MYO5B: variants seen among roughly 807,000 people sequenced by gnomAD.
The protein encoded by MYO5B is myosin VB.
MYO5B carries 143 observed loss-of-function variants against 229.3 expected under a neutral mutation model. That is an observed-to-expected ratio of 0.62 (90% CI 0.54 to 0.72). MYO5B has a LOEUF of 0.72. Among genes scored for constraint, MYO5B ranks in the 30% least tolerant of loss-of-function variants. The pLI, the probability that MYO5B is intolerant of heterozygous loss-of-function variation, is 0.00. For synonymous variants in MYO5B, 918 were observed against 885.2 expected (o/e 1.04, Z -0.66); for missense variants, 2,321 against 2,331.0 (o/e 1.00, Z 0.09).
At chr18:49,834,513 T>C (rs2023962258) in intron 39 of MYO5B, among the ~76,000 whole-genome samples, 1 of 152,246 alleles carries the variant, frequency 6.6e-6, no homozygotes, top group Non-Finnish European at 1.5e-5. Context: ...CGCTCAGCCA[T>C]CACCTTGGGC....
At chr18:50,017,560 G>A (rs1480004008) in intron 4 of MYO5B, among the ~76,000 whole-genome samples, 1 of 152,176 alleles carries the variant, frequency 6.6e-6, no homozygotes, top group Non-Finnish European at 1.5e-5. Flanking sequence ...AGACATTTGG[G>A]TTGTTTTCAC....
chr18:50,121,206 G>GCC (rs2032053460), intron 1 of MYO5B, among the ~76,000 whole-genome samples: 1 of 152,126 alleles, frequency 6.6e-6, no homozygotes, highest in Non-Finnish European at 1.5e-5. Flanking sequence ...AGCACCATCA[G>GCC]CCCCCAGCGT....
intron 6 of MYO5B, among the ~76,000 whole-genome samples, chr18:49,990,931 T>G (rs2025924971): frequency 6.6e-6 from 1 of 151,798 alleles, no homozygotes; most frequent in South Asian, 2.1e-4. Flanking sequence ...GTGGAAGCTG[T>G]GCTTGCCCAT....
At chr18:49,984,611 A>G in intron 8 of MYO5B, 107 bp downstream of exon 8, 1 of 856,604 alleles carries the variant, frequency 1.2e-6, no homozygotes, top group Non-Finnish European at 2.0e-6. Context: ...GGCATCTCCC[A>G]TTAGCTCCTG....
At chr18:50,031,055 T>C (rs1337377207) in intron 4 of MYO5B, among the ~76,000 whole-genome samples, 4 of 152,152 alleles carry the variant, frequency 2.6e-5, no homozygotes, top group Admixed American at 2.6e-4. Context: ...TTAGTGCTAC[T>C]TGGGGGACCA....
intron 1 of MYO5B, among the ~76,000 whole-genome samples, chr18:50,096,600 C>T (rs898788572): frequency 6.6e-6 from 1 of 152,210 alleles, no homozygotes; most frequent in Non-Finnish European, 1.5e-5. Context: ...GGCTGATCTC[C>T]ACTGGTCACC....
chr18:49,973,257 TA>T (rs1235280031), intron 10 of MYO5B, among the ~76,000 whole-genome samples: 8 of 152,286 alleles, frequency 5.3e-5, no homozygotes, highest in African/African-American at 1.9e-4. Context: ...GCATGCAACA[TA>T]GTTCAATTTG....
intron 1 of MYO5B, among the ~76,000 whole-genome samples, chr18:50,079,483 G>C (rs2031163335): frequency 1.3e-5 from 2 of 152,216 alleles, no homozygotes; most frequent in Non-Finnish European, 2.9e-5. Context: ...TTAAAAGACA[G>C]AGTGCTCCAA....
chr18:49,974,331 A>C lies in MYO5B; in HGVS notation c.1322+19T>G, dbSNP rs772459661. On this transcript the variant is annotated intron_variant, in intron 10 of 39. Transcript: ENST00000285039. ...CCACTCCCAGGTAGCAGATAGAGCG[A>C]GACAGGCGGCAGGCCTACCCATAGA... 101 of 1,614,080 alleles carry C rather than the reference A, an allele frequency of 6.3e-5. No homozygotes were observed. The highest frequency in any genetic ancestry group is 8.1e-5 in the Non-Finnish European group (95 of 1,180,024).
chr18:49,963,126 G>T, intron 10 of MYO5B, 96 bp from the exon 11 acceptor site: 2 of 925,008 alleles, frequency 2.2e-6, no homozygotes, highest in Non-Finnish European at 3.6e-6. Flanking sequence ...CTCCCCCGAT[G>T]CCACTACAGA....
At chr18:50,171,389 T>A (rs2032917996) in intron 1 of MYO5B, among the ~76,000 whole-genome samples, 1 of 127,082 alleles carries the variant, frequency 7.9e-6, no homozygotes, top group Non-Finnish European at 1.7e-5. Context: ...CAGGAAGGGC[T>A]TATAGAGAAG....
intron 14 of MYO5B, among the ~76,000 whole-genome samples, chr18:49,938,108 G>C (rs1429831946): frequency 2.0e-5 from 3 of 152,186 alleles, no homozygotes; most frequent in Non-Finnish European, 4.4e-5. Flanking sequence ...TGGTGTGGTA[G>C]GAGGTGGCTA....
intron 2 of MYO5B, among the ~76,000 whole-genome samples, chr18:50,049,828 G>A (rs974672962): frequency 4.6e-5 from 7 of 150,758 alleles, no homozygotes; most frequent in African/African-American, 1.7e-4. Context: ...AAATTAGCAG[G>A]AAAAATAGGT....
At chr18:50,015,528 A>C (rs1429319229) in intron 4 of MYO5B, among the ~76,000 whole-genome samples, 6 of 152,200 alleles carry the variant, frequency 3.9e-5, no homozygotes, top group Non-Finnish European at 4.4e-5. Flanking sequence ...GAAATTTTTT[A>C]AGTGTTCTTT....
intron 1 of MYO5B, among the ~76,000 whole-genome samples, chr18:50,160,493 T>G (rs2032749093): frequency 6.6e-6 from 1 of 152,216 alleles, no homozygotes; most frequent in African/African-American, 2.4e-5. Flanking sequence ...AACAGACATT[T>G]TAACTGCCCC....
At chr18:50,008,932 G>A (rs1055899359) in intron 4 of MYO5B, among the ~76,000 whole-genome samples, 2 of 152,034 alleles carry the variant, frequency 1.3e-5, no homozygotes, top group Non-Finnish European at 2.9e-5. Context: ...TTAAAAAGAA[G>A]GACTATGCTA....
intron 5 of MYO5B, among the ~76,000 whole-genome samples, chr18:49,995,688 G>C (rs531482167): frequency 6.4e-4 from 97 of 152,238 alleles, no homozygotes; most frequent in African/African-American, 2.2e-3. Flanking sequence ...AGTTGGTAAG[G>C]GGACGTTTCT....
intron 12 of MYO5B, among the ~76,000 whole-genome samples, chr18:49,958,531 A>AC (rs2025521561): frequency 6.6e-6 from 1 of 151,870 alleles, no homozygotes; most frequent in Non-Finnish European, 1.5e-5. Context: ...CAGCCATCCC[A>AC]CCTTTCTGTC....
chr18:49,925,214 G>T (rs2025115848), intron 17 of MYO5B, among the ~76,000 whole-genome samples: 1 of 152,144 alleles, frequency 6.6e-6, no homozygotes, highest in Non-Finnish European at 1.5e-5. Context: ...ATAAAACCCT[G>T]GTCTCCACCA....
Sources: gnomAD v4.1 joint callset for allele counts (sites outside exome capture counted in the v4.1 genomes callset) on GRCh38, gnomAD v4.1.1 for gene constraint, MANE v1.5 for transcripts, NCBI Gene and HGNC (gene_info 2026-07-23, HGNC 2026-07-21) for gene names.